Variants in DACH2 observed in about 807,000 individuals in gnomAD.
The protein encoded by DACH2 is dachshund family transcription factor 2.
A neutral mutation model predicts 35.8 loss-of-function variants in DACH2; 17 were observed. The ratio of observed to expected loss-of-function variants is 0.48; its 90% CI spans 0.33 to 0.71. The LOEUF (loss-of-function observed/expected upper bound fraction) is 0.71. DACH2 is among the 30% of genes least tolerant of loss of function. The pLI is 0.02. For synonymous variants in DACH2, 195 were observed against 177.3 expected (o/e 1.10, Z -0.79); for missense variants, 469 against 472.7 (o/e 0.99, Z 0.07).
intron 2 of DACH2, among the ~76,000 whole-genome samples, chrX:86,416,249 T>C (rs1033900594): frequency 1.8e-5 from 2 of 112,296 alleles, no homozygotes; most frequent in East Asian, 5.6e-4. Context: ...CAGTGTAAAT[T>C]CCAGAGAGCT....
chrX:86,400,766 G>A lies in DACH2; in HGVS notation c.527+23904G>A, dbSNP rs765343084. Among the ~76,000 whole-genome samples the A allele has an allele frequency of 6.3e-5, 7 of 111,510 alleles. No individual in the cohort carries two copies. In the South Asian group the frequency reaches 1.9e-3, roughly 30 times the overall value. On this transcript the variant is annotated intron_variant, in intron 2 of 11. Coordinates refer to ENST00000373125, the MANE Select transcript of DACH2 (RefSeq NM_053281.3). ...TTTTGTCTCAGAGGAGTACCTTGCCGTGTGAGGTGTCAGTCTGCCCCTACT... is the reference window on the plus strand; with the variant it reads ...TTTTGTCTCAGAGGAGTACCTTGCCATGTGAGGTGTCAGTCTGCCCCTACT...
At chrX:86,830,029 T>C (rs2042598026) in intron 11 of DACH2, 1 of 111,478 alleles carries the variant, frequency 9.0e-6, no homozygotes, top group Non-Finnish European at 1.9e-5. Flanking sequence ...ACTAATTAGC[T>C]GTTTCCTGTT....
chrX:86,713,229 T>G (rs1370953560), intron 5 of DACH2, among the ~76,000 whole-genome samples: 1 of 111,740 alleles, frequency 8.9e-6, no homozygotes, highest in Non-Finnish European at 1.9e-5. Context: ...TAAAAACTAC[T>G]CTGTGAAACA....
At chrX:86,319,194 G>T (rs1479027032) in intron 1 of DACH2, among the ~76,000 whole-genome samples, 1 of 111,934 alleles carries the variant, frequency 8.9e-6, no homozygotes, top group East Asian at 2.8e-4. Context: ...TCTGAATTTT[G>T]TTAATAGTTT....
At chrX:86,334,045 T>C (rs1219270316) in intron 1 of DACH2, among the ~76,000 whole-genome samples, 1 of 111,815 alleles carries the variant, frequency 8.9e-6, no homozygotes, top group Non-Finnish European at 1.9e-5. Context: ...CTGAGAATGA[T>C]GGTTTCGAGT....
Position 86,780,950 on chromosome X carries a change from G to A in DACH2, c.1241-31906G>A, listed in dbSNP as rs181406910. On this transcript the variant is annotated intron_variant, in intron 7 of 11. Coordinates refer to ENST00000373125, the MANE Select transcript of DACH2 (RefSeq NM_053281.3). ...GAAAGGCTGATGGCAGCATGGGTTA[G>A]GGAGGGGATGTTGCCACTACTGGGG... is the stretch of plus-strand genomic sequence containing the variant. Among the ~76,000 whole-genome samples, 5 of 111,600 alleles carry A rather than the reference G, an allele frequency of 4.5e-5. No individual in the cohort carries two copies. The Admixed American group carries it at 4.8e-4, about 11-fold the overall frequency.
intron 6 of DACH2, among the ~76,000 whole-genome samples, chrX:86,739,301 T>G (rs2041628860): frequency 9.0e-6 from 1 of 111,605 alleles, no homozygotes; most frequent in South Asian, 3.7e-4. Context: ...ATGTGCCAGG[T>G]GCCACAATTT....
intron 3 of DACH2, among the ~76,000 whole-genome samples, chrX:86,556,795 T>TATATAGAGAGAGAG (rs1232719385): frequency 4.7e-4 from 12 of 25,290 alleles, no homozygotes; most frequent in Non-Finnish European, 6.9e-4. Context: ...TATATATATA[T>TATATAGAGAGAGAG]AGAGAGAGAG....
chrX:86,649,077 C>T (rs978561387), intron 3 of DACH2, among the ~76,000 whole-genome samples: 1 of 110,714 alleles, frequency 9.0e-6, no homozygotes, highest in African/African-American at 3.3e-5. Context: ...CAATCTGAGA[C>T]TCAGTTTCCT....
chrX:86,766,452 A>G (rs1303637420), intron 7 of DACH2, among the ~76,000 whole-genome samples: 1 of 111,712 alleles, frequency 9.0e-6, no homozygotes, highest in Non-Finnish European at 1.9e-5. Context: ...CAGTGAATGC[A>G]GACATGGGAA....
chrX:86,578,371 G>A (rs1186134276), intron 3 of DACH2, among the ~76,000 whole-genome samples: 2 of 110,070 alleles, frequency 1.8e-5, no homozygotes, highest in Non-Finnish European at 3.8e-5. Flanking sequence ...CCTGTTGTTA[G>A]CATCTCAACA....
At chrX:86,806,997 TATGTAGTCTTGACAATCAAAC>T (rs751349723) in intron 7 of DACH2, among the ~76,000 whole-genome samples, 42 of 111,658 alleles carry the variant, frequency 3.8e-4, no homozygotes, top group Non-Finnish European at 6.8e-4. Flanking sequence ...ATGTCAGCAG[TATGTAGTCTTGACAATCAAAC>T]ATGTCTGTAG....
intron 1 of DACH2, among the ~76,000 whole-genome samples, chrX:86,288,803 G>C (rs1435502287): frequency 8.9e-6 from 1 of 112,053 alleles, no homozygotes; most frequent in Non-Finnish European, 1.9e-5. Context: ...TCTTGCCCAA[G>C]GCAGGTACAG....
intron 1 of DACH2, among the ~76,000 whole-genome samples, chrX:86,232,100 A>G (rs933461425): frequency 7.1e-5 from 8 of 112,056 alleles, no homozygotes; most frequent in African/African-American, 2.6e-4. Context: ...ATTGTACACA[A>G]GCAACCCTGG....
chrX:86,479,346 G>T (rs939168612), intron 2 of DACH2, among the ~76,000 whole-genome samples: 1 of 110,605 alleles, frequency 9.0e-6, no homozygotes, highest in Non-Finnish European at 1.9e-5. Context: ...AGGTCTGTGG[G>T]CACAGGCCTG....
chrX:86,627,461 T>C (rs928197885), intron 3 of DACH2, among the ~76,000 whole-genome samples: 1 of 111,755 alleles, frequency 8.9e-6, no homozygotes, highest in Admixed American at 9.6e-5. Flanking sequence ...CGATAGTTAA[T>C]AGAAACATAG....
chrX:86,153,970 C>T (rs1391379022), intron 1 of DACH2, among the ~76,000 whole-genome samples: 1 of 111,302 alleles, frequency 9.0e-6, no homozygotes, highest in Non-Finnish European at 1.9e-5. Context: ...CAATGTATAG[C>T]ACATGAATGT....
intron 1 of DACH2, among the ~76,000 whole-genome samples, chrX:86,282,573 G>A (rs1176345356): frequency 9.0e-6 from 1 of 111,270 alleles, no homozygotes; most frequent in Non-Finnish European, 1.9e-5. Context: ...TCAGGACATA[G>A]GCATGGACAA....
chrX:86,818,058 T>C (rs1374692771), intron 11 of DACH2, among the ~76,000 whole-genome samples: 1 of 112,178 alleles, frequency 8.9e-6, no homozygotes, highest in South Asian at 3.6e-4. Flanking sequence ...ACATTGTCTA[T>C]ATATGGTAAA....
Sources: allele counts gnomAD v4.1 joint callset (sites outside exome capture counted in the v4.1 genomes callset), GRCh38; gene constraint gnomAD v4.1.1; transcripts MANE v1.5; gene names NCBI Gene and HGNC (gene_info 2026-07-23, HGNC 2026-07-21).